The following C2CD2 variants were observed in gnomAD, a reference collection of about 807,000 sequenced individuals.
C2CD2 encodes C2 domain-containing protein 2.
C2CD2 carries 43 observed loss-of-function variants against 74.3 expected under a neutral mutation model. The ratio of observed to expected loss-of-function variants is 0.58; its 90% CI spans 0.45 to 0.75. C2CD2 has a LOEUF of 0.75. Among genes scored for constraint, C2CD2 ranks in the 30% least tolerant of loss-of-function variants. C2CD2 has a pLI of 0.00. For missense variants in C2CD2, 801 were observed against 916.3 expected (o/e 0.87, Z 1.63); for synonymous variants, 422 against 390.7 (o/e 1.08, Z -0.94).
At position 41,926,681 on chromosome 21, in the gene C2CD2, CCT is replaced by C. The variant is rs1485533097; in HGVS notation, c.379-4598_379-4597del. 2 of 967,576 alleles carry C rather than the reference CCT, an allele frequency of 2.1e-6. No homozygotes were observed. Among genetic ancestry groups the C allele is most frequent in the East Asian group, 2.3e-4 (2 of 8,712 alleles). The allele number at this position is 967,576 out of a possible 1,614,324, so 59.9% of individuals were successfully genotyped here. On this transcript the variant is annotated intron_variant, in intron 2 of 13. Transcript: ENST00000380486. This position sits in a 1 kb window ranked among gnomAD's most constrained non-coding sequence, Gnocchi z 8.0. ...GCTACTGTTCACCAACAAGAGAGCC[CCT>C]GAGTCTTCAGATCTCACTGTGCCCT...
At chr21:41,912,740 C>T (rs1394584351) in intron 6 of C2CD2, among the ~76,000 whole-genome samples, 3 of 152,194 alleles carry the variant, frequency 2.0e-5, no homozygotes, top group Admixed American at 6.5e-5. Context: ...CCACCCGCCT[C>T]GGCCTCCCAA....
intron 13 of C2CD2, among the ~76,000 whole-genome samples, chr21:41,893,934 C>T (rs1483801413): frequency 1.3e-5 from 2 of 152,118 alleles, no homozygotes; most frequent in Admixed American, 6.5e-5. Context: ...CTCCTGACCT[C>T]GTGATCCGCC....
chr21:41,918,832 A>G lies in C2CD2; in HGVS notation c.597+24T>C, dbSNP rs986269037. The G allele has an allele frequency of 5.1e-6, 8 of 1,569,370 alleles. No homozygotes were observed. The African/African-American group carries it at 1.1e-4, about 21-fold the overall frequency. ...ACGTGCGTTCTCACGCCAATGGAAGAATCATAAAAACTTACGGACTGACCT... is the reference window on the plus strand; with the variant it reads ...ACGTGCGTTCTCACGCCAATGGAAGGATCATAAAAACTTACGGACTGACCT... On this transcript the variant is annotated intron_variant, in intron 4 of 13. Transcript: ENST00000380486.
intron 13 of C2CD2, among the ~76,000 whole-genome samples, chr21:41,896,738 A>G (rs2064828631): frequency 6.9e-6 from 1 of 143,892 alleles, no homozygotes; most frequent in South Asian, 2.2e-4. Context: ...AACAAGCTTT[A>G]GTTTTTAAAA....
chr21:41,899,441 C>T lies in C2CD2; in HGVS notation c.1561-79G>A, dbSNP rs2064866330. ...TTGAAAAGAACTGAAAAGCACTCTC[C>T]AAAACATTCTGACAGCTGATTTCAA... On this transcript the variant is annotated intron_variant, in intron 12 of 13. Transcript: ENST00000380486. The surrounding 1 kb of genome is among the most constrained non-coding windows in gnomAD (Gnocchi z 4.4). 3.0e-6 allele frequency: 4 copies of T among 1,314,726 alleles called. No homozygotes were observed. The East Asian group carries it at 7.0e-5, about 23-fold the overall frequency. 81.4% of individuals were successfully genotyped at this position (1,314,726 alleles called of 1,614,324 possible).
intron 1 of C2CD2, among the ~76,000 whole-genome samples, chr21:41,944,283 C>T (rs773496218): frequency 5.9e-5 from 9 of 152,128 alleles, no homozygotes; most frequent in Admixed American, 3.3e-4. Context: ...GAGGCCGAGG[C>T]GGACGGATCA....
In C2CD2 at chr21:41,918,848, GGACT is replaced by G; in HGVS notation, c.597+4_597+7del. On this transcript the variant is annotated splice_donor_5th_base_variant and intron_variant, in intron 4 of 13. Transcript: ENST00000380486. ...CAATGGAAGAATCATAAAAACTTAC[GGACT>G]GACCTCCCCCAGTGCTTTGGGCTGG... 6.2e-7 allele frequency: 1 copy of G among 1,607,396 alleles called. No individual in the cohort carries two copies. Among genetic ancestry groups the G allele is most frequent in the East Asian group, 2.2e-5 (1 of 44,846 alleles).
chr21:41,922,051 T>A lies in C2CD2; in HGVS notation c.413A>T (p.Gln138Leu), dbSNP rs2146199646. The A allele has an allele frequency of 6.2e-7, 1 of 1,613,804 alleles. No homozygotes were observed. The highest frequency in any genetic ancestry group is 2.2e-5 in the East Asian group (1 of 44,880). Reference protein sequence around the residue: ...VVCHVVGQAIQFLVSETPALG... With the variant: ...VVCHVVGQAILFLVSETPALG... ...GGCAGGCGTCTCGCTGACCAAGAAC[T>A]GAATAGCCTGGCCCACCACGTGACA... Residue 138 changes from glutamine (Q) to leucine (L), a missense_variant, in exon 3 of 14, where the codon CAG (glutamine) becomes CTG (leucine). Physicochemically the swap from Gln to Leu is moderately radical, Grantham distance 113. Transcript: ENST00000380486.
chr21:41,914,244 A>C (rs1265146877), intron 6 of C2CD2, among the ~76,000 whole-genome samples: 2 of 151,752 alleles, frequency 1.3e-5, no homozygotes, highest in Non-Finnish European at 2.9e-5. Context: ...AGAAAGCAGA[A>C]GCTGCACCTT....
intron 2 of C2CD2, among the ~76,000 whole-genome samples, chr21:41,932,909 C>G (rs1041803): frequency 0.92 from 138,092 of 149,974 alleles, 65,091 homozygotes; most frequent in Non-Finnish European, 0.97. Flanking sequence ...CCAGTGGGCA[C>G]GGCAGCCAGT....
At chr21:41,890,248 A>G (rs2064734835) in intron 13 of C2CD2, among the ~76,000 whole-genome samples, 1 of 152,202 alleles carries the variant, frequency 6.6e-6, no homozygotes, top group Non-Finnish European at 1.5e-5. Context: ...ACTTGGGCAT[A>G]TTTGGCCTAC....
Position 41,905,657 on chromosome 21 carries a change from A to G in C2CD2, c.1432+67T>C, listed in dbSNP as rs2064952030. On this transcript the variant is annotated intron_variant, in intron 11 of 13. Transcript: ENST00000380486. ...CCAAATTCTGAAAGGAAAATACTTC[A>G]TATCAGAACAGCCCAAAAGGCCCAA... The G allele has an allele frequency of 4.8e-5, 39 of 811,954 alleles. 1 individual carries two copies. Among genetic ancestry groups the G allele is most frequent in the South Asian group, 4.4e-4 (27 of 60,716 alleles). 50.3% of individuals were successfully genotyped at this position (811,954 alleles called of 1,614,324 possible). A position where few individuals can be genotyped will look rare whatever the true frequency, so the allele number is the denominator to read the frequency against.
Position 41,888,994 on chromosome 21 carries a change from G to A in C2CD2, c.*130C>T, listed in dbSNP as rs958847567. On this transcript the variant is annotated 3_prime_UTR_variant, in exon 14 of 14. Transcript: ENST00000380486. Reference sequence around the variant, plus strand: ...AGATTTTGTTTTCCCTTTAAATGACGAGATGGTTGGAAGAAACCCAGCAAG... The same window carrying A: ...AGATTTTGTTTTCCCTTTAAATGACAAGATGGTTGGAAGAAACCCAGCAAG... 2.5e-5 allele frequency: 18 copies of A among 711,492 alleles called. No individual in the cohort carries two copies. The highest frequency in any genetic ancestry group is 8.9e-5 in the African/African-American group (5 of 56,278). The allele number at this position is 711,492 out of a possible 1,614,324, so 44.1% of individuals were successfully genotyped here.
At position 41,921,288 on chromosome 21, in the gene C2CD2, A is replaced by T. The variant is rs1569073169; in HGVS notation, c.492+684T>A. ...AGTGACCCTCGAAACAAGCCCAGAC[A>T]TCTGCAATTTTTAAATACCAGCTAA... On this transcript the variant is annotated intron_variant, in intron 3 of 13. Transcript: ENST00000380486. Among the ~76,000 whole-genome samples the T allele has an allele frequency of 2.0e-5, 3 of 152,228 alleles. No individual in the cohort carries two copies. The South Asian group carries it at 6.2e-4, about 32-fold the overall frequency.
At position 41,944,501 on chromosome 21, in the gene C2CD2, G is replaced by A. The variant is rs558802724; in HGVS notation, c.280-2256C>T. ...CATGCCACTGCACTTGAGCCTGGGC[G>A]ACAGAGCGAGACTCTGCCTCAAAAA... On this transcript the variant is annotated intron_variant, in intron 1 of 13. Coordinates refer to ENST00000380486, the MANE Select transcript of C2CD2 (RefSeq NM_015500.2). 7.5e-3 allele frequency among the ~76,000 whole-genome samples: 917 copies of A among 122,046 alleles called. 20 individuals are homozygous for A. Among genetic ancestry groups the A allele is most frequent in the African/African-American group, 0.027 (861 of 31,630 alleles). The allele number at this position is 122,046 out of a possible 152,430, so 80.1% of individuals were successfully genotyped here. A position where few individuals can be genotyped will look rare whatever the true frequency, so the allele number is the denominator to read the frequency against.
In C2CD2 at chr21:41,953,789, G is replaced by A; in HGVS notation, c.-141C>T. 5.4e-6 allele frequency: 4 copies of A among 736,602 alleles called. No individual in the cohort carries two copies. The highest frequency in any genetic ancestry group is 7.3e-6 in the Non-Finnish European group (4 of 547,030). The allele number at this position is 736,602 out of a possible 1,614,324, so 45.6% of individuals were successfully genotyped here. ...GCGGGGTCGGAGCCCGGCGAGGAGC[G>A]TGGCCGGGGGCCTCTGGGCGGGCAA... On this transcript the variant is annotated 5_prime_UTR_variant, in exon 1 of 14. It adds an upstream start codon to the 5' untranslated region. Coordinates refer to ENST00000380486, the MANE Select transcript of C2CD2 (RefSeq NM_015500.2).
intron 12 of C2CD2, chr21:41,901,164 C>T (rs184116315): frequency 2.2e-5 from 5 of 230,592 alleles, no homozygotes; most frequent in East Asian, 1.1e-4. Flanking sequence ...AAAGGGAGTG[C>T]GGTGTCCACG....
At position 41,899,695 on chromosome 21, in the gene C2CD2, G is replaced by A. The variant is rs548212079; in HGVS notation, c.1561-333C>T. Among the ~76,000 whole-genome samples the A allele has an allele frequency of 1.1e-4, 16 of 152,230 alleles. No homozygotes were observed. In the East Asian group the frequency reaches 3.1e-3, roughly 29 times the overall value. On this transcript the variant is annotated intron_variant, in intron 12 of 13. Coordinates refer to ENST00000380486, the MANE Select transcript of C2CD2 (RefSeq NM_015500.2). This position sits in a 1 kb window ranked among gnomAD's most constrained non-coding sequence, Gnocchi z 4.4. Reference sequence around the variant, plus strand: ...AAATGAGATGCGAGAGAGAGAGCCCGTCCTTCAGAGTCCACGACAGCACAA... The same window carrying A: ...AAATGAGATGCGAGAGAGAGAGCCCATCCTTCAGAGTCCACGACAGCACAA...
intron 2 of C2CD2, among the ~76,000 whole-genome samples, chr21:41,927,932 A>G (rs1485165657): frequency 6.6e-6 from 1 of 151,416 alleles, no homozygotes; most frequent in East Asian, 1.9e-4. Flanking sequence ...CCCCAGCAAC[A>G]CTCTCCTCCC....
Sources: gnomAD v4.1 joint callset for allele counts (sites outside exome capture counted in the v4.1 genomes callset) on GRCh38, gnomAD v4.1.1 for gene constraint, Gnocchi (gnomAD v3.1) non-coding constraint, MANE v1.5 for transcripts, NCBI Gene and HGNC (gene_info 2026-07-23, HGNC 2026-07-21) for gene names.